The following FHIT variants were observed in gnomAD, a reference collection of about 807,000 sequenced individuals.
FHIT encodes the protein fragile histidine triad diadenosine triphosphatase.
A neutral mutation model predicts 17.9 loss-of-function variants in FHIT; 19 were observed. The ratio of observed to expected loss-of-function variants is 1.06; its 90% CI spans 0.74 to 1.56. The LOEUF is 1.56. FHIT is among the 40% of genes most tolerant of loss of function. The probability of loss-of-function intolerance (pLI) is 0.00; values close to 1 mark genes in which losing one functional copy is unlikely to be tolerated. For synonymous variants in FHIT, 81 were observed against 69.7 expected (o/e 1.16, Z -0.81); for missense variants, 248 against 189.2 (o/e 1.31, Z -1.82).
At chr3:61,146,002 T>C (rs2037216782) in intron 2 of FHIT, among the ~76,000 whole-genome samples, 1 of 152,058 alleles carries the variant, frequency 6.6e-6, no homozygotes, top group African/African-American at 2.4e-5. Context: ...TGTACCACAA[T>C]TATCCACAAT....
intron 8 of FHIT, among the ~76,000 whole-genome samples, chr3:59,793,644 A>T (rs6791055): frequency 0.023 from 3,527 of 152,312 alleles, 129 homozygotes; most frequent in African/African-American, 0.079. Context: ...GTCCGAAGAC[A>T]ATGTAAGGAA....
intron 1 of FHIT, among the ~76,000 whole-genome samples, chr3:61,203,532 G>A (rs1382979900): frequency 6.6e-6 from 1 of 152,098 alleles, no homozygotes; most frequent in Non-Finnish European, 1.5e-5. Context: ...TATCCCAGAA[G>A]GAAGCAGTGA....
At chr3:60,903,102 AC>A (rs1706208903) in intron 3 of FHIT, among the ~76,000 whole-genome samples, 1 of 152,228 alleles carries the variant, frequency 6.6e-6, no homozygotes, top group East Asian at 1.9e-4. Context: ...AATCAAAAAA[AC>A]TAAGTTGGTT....
chr3:61,172,092 G>A (rs2038022135), intron 2 of FHIT, among the ~76,000 whole-genome samples: 1 of 152,066 alleles, frequency 6.6e-6, no homozygotes, highest in Non-Finnish European at 1.5e-5. Context: ...TCAAAGTCAT[G>A]GGGAAAAAGG....
At chr3:60,535,376 C>T (rs2035944295) in intron 5 of FHIT, among the ~76,000 whole-genome samples, 1 of 152,134 alleles carries the variant, frequency 6.6e-6, no homozygotes, top group Admixed American at 6.5e-5. Context: ...AAAGCTGGCA[C>T]CTAGAGAGAG....
At chr3:60,887,592 G>T (rs746450018) in intron 3 of FHIT, among the ~76,000 whole-genome samples, 11 of 152,144 alleles carry the variant, frequency 7.2e-5, no homozygotes, top group Non-Finnish European at 1.6e-4. Flanking sequence ...GTTGCAGTGA[G>T]CCGAGACTGT....
At chr3:60,624,617 C>T (rs1438465134) in intron 4 of FHIT, among the ~76,000 whole-genome samples, 5 of 152,054 alleles carry the variant, frequency 3.3e-5, no homozygotes, top group African/African-American at 1.2e-4. Flanking sequence ...TGGATAAAGG[C>T]AGAATAAAAA....
At chr3:60,454,765 G>A (rs1023034507) in intron 5 of FHIT, among the ~76,000 whole-genome samples, 1 of 151,974 alleles carries the variant, frequency 6.6e-6, no homozygotes, top group African/African-American at 2.4e-5. Context: ...GCCCTTTCTG[G>A]GCACTAGTCA....
intron 8 of FHIT, among the ~76,000 whole-genome samples, chr3:59,816,489 G>A (rs1280509698): frequency 2.6e-5 from 4 of 152,178 alleles, no homozygotes; most frequent in Non-Finnish European, 4.4e-5. Context: ...CCCAGGAAAG[G>A]TGTGACAGAG....
intron 5 of FHIT, among the ~76,000 whole-genome samples, chr3:60,371,649 T>C (rs17062850): frequency 0.21 from 32,117 of 152,066 alleles, 3,703 homozygotes; most frequent in East Asian, 0.41. Context: ...TGCTCTATGA[T>C]GTAACTTAGA....
chr3:59,912,224 G>A (rs1280554897), intron 8 of FHIT, among the ~76,000 whole-genome samples: 1 of 152,152 alleles, frequency 6.6e-6, no homozygotes, highest in East Asian at 1.9e-4. Flanking sequence ...TGAAAATTTT[G>A]TTTCCAGCCT....
chr3:60,254,866 A>G (rs1402438445), intron 5 of FHIT, among the ~76,000 whole-genome samples: 2 of 152,196 alleles, frequency 1.3e-5, no homozygotes, highest in Non-Finnish European at 2.9e-5. Flanking sequence ...GGAATATTTG[A>G]TGTGACTTTT....
At chr3:61,249,874 G>A (rs2040570933) in intron 1 of FHIT, among the ~76,000 whole-genome samples, 1 of 148,232 alleles carries the variant, frequency 6.7e-6, no homozygotes, top group East Asian at 2.0e-4. Flanking sequence ...TTAATACTTG[G>A]AACACCGTAT....
At chr3:60,511,536 TAGA>T (rs1023869662) in intron 5 of FHIT, among the ~76,000 whole-genome samples, 5 of 152,176 alleles carry the variant, frequency 3.3e-5, no homozygotes, top group African/African-American at 1.2e-4. Context: ...TTAGAATAAA[TAGA>T]AGAGAAAAAT....
chr3:60,980,244 T>TAA, intron 3 of FHIT, among the ~76,000 whole-genome samples: 1 of 151,824 alleles, frequency 6.6e-6, no homozygotes, highest in South Asian at 2.1e-4. Flanking sequence ...ATAAGAAGGA[T>TAA]AAAAAAAATA....
intron 8 of FHIT, among the ~76,000 whole-genome samples, chr3:59,793,717 T>G (rs1445117481): frequency 6.6e-6 from 1 of 152,202 alleles, no homozygotes; most frequent in Non-Finnish European, 1.5e-5. Flanking sequence ...AGAGTTGATT[T>G]AAATCTTTTA....
chr3:59,899,238 T>G (rs1704213545), intron 8 of FHIT, among the ~76,000 whole-genome samples: 3 of 152,154 alleles, frequency 2.0e-5, no homozygotes, highest in African/African-American at 7.2e-5. Flanking sequence ...CATGAGATGA[T>G]GTAGGTCAAA....
intron 4 of FHIT, chr3:60,553,358 T>C (rs1480553838): frequency 1.0e-6 from 1 of 976,296 alleles, no homozygotes; most frequent in African/African-American, 1.8e-5. Flanking sequence ...CTTGTGTTTT[T>C]ACGTAATGTG....
At chr3:61,169,908 C>A (rs552306435) in intron 2 of FHIT, among the ~76,000 whole-genome samples, 2 of 152,114 alleles carry the variant, frequency 1.3e-5, no homozygotes, top group Non-Finnish European at 1.5e-5. Context: ...TAAGGGAATT[C>A]TTGCTAAATT....
Sources: allele counts gnomAD v4.1 joint callset (sites outside exome capture counted in the v4.1 genomes callset), GRCh38; gene constraint gnomAD v4.1.1; transcripts MANE v1.5; gene names NCBI Gene and HGNC (gene_info 2026-07-23, HGNC 2026-07-21).